ADAMTS14: variants seen among roughly 807,000 people sequenced by gnomAD.
The protein encoded by ADAMTS14 is ADAM metallopeptidase with thrombospondin type 1 motif 14.
In ADAMTS14, 100 loss-of-function variants were observed where a neutral mutation model predicts 128.6. The observed-to-expected ratio is 0.78, with a 90% CI of 0.66 to 0.92. The LOEUF is 0.92. ADAMTS14 is among the 40% of genes least tolerant of loss of function. ADAMTS14 has a pLI of 0.00. For synonymous variants in ADAMTS14, 665 were observed against 653.8 expected (o/e 1.02, Z -0.26); for missense variants, 1,562 against 1,658.6 (o/e 0.94, Z 1.01).
In ADAMTS14 at chr10:70,753,929, CG is replaced by C. The variant is rs1329955071; in HGVS notation, c.2863del (p.Asp955ThrfsTer76). On this transcript the variant is annotated frameshift_variant, in exon 19 of 22. Coordinates refer to ENST00000373207, the MANE Select transcript of ADAMTS14 (RefSeq NM_080722.4). ...AGGTCATGCCGGCCAAAGCCTGCGC[CG>C]GGGACCGGCCTGAGGCCCGACGGCC... ...HKVMPAKACA[G>X]DRPEARRPCL... 7 of 1,588,090 alleles carry C rather than the reference CG, an allele frequency of 4.4e-6. No homozygotes were observed. The highest frequency in any genetic ancestry group is 2.3e-5 in the East Asian group (1 of 43,834).
intron 3 of ADAMTS14, among the ~76,000 whole-genome samples, chr10:70,703,974 A>G (rs1840573733): frequency 6.6e-6 from 1 of 152,216 alleles, no homozygotes; most frequent in Non-Finnish European, 1.5e-5. Context: ...CGTGGGGCTG[A>G]GCCCAGTGTG....
chr10:70,721,012 C>CT (rs1841239829), intron 4 of ADAMTS14, among the ~76,000 whole-genome samples: 2 of 134,620 alleles, frequency 1.5e-5, no homozygotes, highest in Non-Finnish European at 3.2e-5. Context: ...AGCTTTTTCT[C>CT]TTTTTTCTTT....
chr10:70,685,813 T>C (rs1164698261), intron 2 of ADAMTS14, among the ~76,000 whole-genome samples: 1 of 152,132 alleles, frequency 6.6e-6, no homozygotes, highest in Non-Finnish European at 1.5e-5. Flanking sequence ...ATTGGTCTAA[T>C]GGTGGTGGGA....
chr10:70,715,027 G>A (rs1840995720), intron 4 of ADAMTS14, among the ~76,000 whole-genome samples: 1 of 151,854 alleles, frequency 6.6e-6, no homozygotes, highest in Admixed American at 6.6e-5. Flanking sequence ...AAAGGGGAAG[G>A]GAGAAAGGTT....
chr10:70,742,518 A>G (rs1408069581), intron 12 of ADAMTS14, among the ~76,000 whole-genome samples: 1 of 152,234 alleles, frequency 6.6e-6, no homozygotes, highest in Non-Finnish European at 1.5e-5. Flanking sequence ...TGCTGGAGAC[A>G]AGGAGTTACC....
At chr10:70,742,798 C>T (rs7069182) in intron 12 of ADAMTS14, among the ~76,000 whole-genome samples, 34,227 of 152,138 alleles carry the variant, frequency 0.22, 4,084 homozygotes, top group Middle Eastern at 0.29. Context: ...TCTGGAACCT[C>T]CTTTTTAGGA....
chr10:70,727,549 C>T (rs1204367219), intron 4 of ADAMTS14, among the ~76,000 whole-genome samples: 2 of 85,482 alleles, frequency 2.3e-5, no homozygotes, highest in Non-Finnish European at 5.7e-5. Flanking sequence ...GCTGGCATCA[C>T]ATCCCTGACC....
chr10:70,740,146 A>G (rs1242144426), intron 11 of ADAMTS14, among the ~76,000 whole-genome samples: 3 of 152,236 alleles, frequency 2.0e-5, no homozygotes, highest in Non-Finnish European at 4.4e-5. Flanking sequence ...TGCTCACACA[A>G]ATTAAATACT....
chr10:70,750,075 T>G, intron 16 of ADAMTS14, 90 bp downstream of exon 16: 1 of 1,516,402 alleles, frequency 6.6e-7, no homozygotes, highest in Non-Finnish European at 9.0e-7. Flanking sequence ...CGTGACACCA[T>G]TCTGGTGTCT....
At chr10:70,697,417 C>T (rs1240283629) in intron 2 of ADAMTS14, among the ~76,000 whole-genome samples, 1 of 152,232 alleles carries the variant, frequency 6.6e-6, no homozygotes, top group African/African-American at 2.4e-5. Context: ...TGTCTCTGTA[C>T]CTGCCCATGT....
At chr10:70,699,354 C>T in intron 2 of ADAMTS14, among the ~76,000 whole-genome samples, 1 of 152,126 alleles carries the variant, frequency 6.6e-6, no homozygotes, top group Non-Finnish European at 1.5e-5. Context: ...GCGGCAGGTA[C>T]TGTTGTTAAT....
Position 70,726,782 on chromosome 10 carries a change from C to T in ADAMTS14, c.871-2512C>T, listed in dbSNP as rs900629818. Among the ~76,000 whole-genome samples, 8 of 152,252 alleles carry T rather than the reference C, an allele frequency of 5.3e-5. 1 individual carries two copies. The highest frequency in any genetic ancestry group is 3.4e-3 in the Middle Eastern group (1 of 294). ...GTGTGTGTGACTGATTGGGTGCCCCCTACTCCACCCTGAAGTCCCTCCTAG... is the reference window on the plus strand; with the variant it reads ...GTGTGTGTGACTGATTGGGTGCCCCTTACTCCACCCTGAAGTCCCTCCTAG... On this transcript the variant is annotated intron_variant, in intron 4 of 21. Coordinates refer to ENST00000373207, the MANE Select transcript of ADAMTS14 (RefSeq NM_080722.4).
chr10:70,693,022 C>G (rs1589269499), intron 2 of ADAMTS14, among the ~76,000 whole-genome samples: 1 of 152,162 alleles, frequency 6.6e-6, no homozygotes, highest in Admixed American at 6.5e-5. Flanking sequence ...GTGAGAGCCT[C>G]AGGAAGTTTG....
intron 4 of ADAMTS14, 44 bp downstream of exon 4, chr10:70,708,822 GTGGGCCCCACC>G (rs1840749458): frequency 7.6e-7 from 1 of 1,307,328 alleles, no homozygotes; most frequent in African/African-American, 1.5e-5. Flanking sequence ...GTGGGGTGGG[GTGGGCCCCACC>G]CCACCCCACT....
intron 2 of ADAMTS14, among the ~76,000 whole-genome samples, chr10:70,697,590 C>T (rs1840366882): frequency 6.6e-6 from 1 of 152,262 alleles, no homozygotes; most frequent in South Asian, 2.1e-4. Context: ...CATTTCAAAA[C>T]AATTTGGCCT....
chr10:70,761,140 T>C lies in ADAMTS14; in HGVS notation c.*287T>C, dbSNP rs1269498453. ...CCCCTGCCAAGACCAGGGTCAACTATTGCTCCCTCCTCACAGACCCTGGGC... is the reference window on the plus strand; with the variant it reads ...CCCCTGCCAAGACCAGGGTCAACTACTGCTCCCTCCTCACAGACCCTGGGC... On this transcript the variant is annotated 3_prime_UTR_variant, in exon 22 of 22. Transcript: ENST00000373207. The C allele has an allele frequency of 2.9e-6, 1 of 347,488 alleles. No individual in the cohort carries two copies. The highest frequency in any genetic ancestry group is 7.7e-5 in the South Asian group (1 of 12,994). 21.5% of individuals were successfully genotyped at this position (347,488 alleles called of 1,614,324 possible).
At chr10:70,733,333 T>C (rs1376744717) in intron 7 of ADAMTS14, among the ~76,000 whole-genome samples, 1 of 152,230 alleles carries the variant, frequency 6.6e-6, no homozygotes, top group African/African-American at 2.4e-5. Context: ...TAAACTCTTA[T>C]TATGGTAGGT....
rs1357042407 is a variant in ADAMTS14, at chr10:70,761,909, C to T, written c.*1056C>T. On this transcript the variant is annotated 3_prime_UTR_variant, in exon 22 of 22. Coordinates refer to ENST00000373207, the MANE Select transcript of ADAMTS14 (RefSeq NM_080722.4). ...GGACCAGAGTCCACTCATAGCCTGG[C>T]CCTGGAGATGACAAGGGCCACCCAG... The T allele has an allele frequency of 6.6e-6, 1 of 152,566 alleles. No individual in the cohort carries two copies. Among genetic ancestry groups the T allele is most frequent in the Non-Finnish European group, 1.5e-5 (1 of 68,064 alleles). 9.5% of individuals were successfully genotyped at this position (152,566 alleles called of 1,614,324 possible).
chr10:70,710,687 T>C (rs1332891031), intron 4 of ADAMTS14, among the ~76,000 whole-genome samples: 2 of 152,252 alleles, frequency 1.3e-5, no homozygotes, highest in African/African-American at 4.8e-5. Context: ...CCCTCTGGTG[T>C]GTCTCTTCTG....
Sources: allele counts gnomAD v4.1 joint callset (sites outside exome capture counted in the v4.1 genomes callset), GRCh38; gene constraint gnomAD v4.1.1; transcripts MANE v1.5; gene names NCBI Gene and HGNC (gene_info 2026-07-23, HGNC 2026-07-21).